Variants in RAD54B observed in about 807,000 individuals in gnomAD.
RAD54B encodes the protein DNA repair and recombination protein RAD54B.
Under a neutral mutation model 95.8 loss-of-function variants are expected in RAD54B, and 78 were observed. The ratio of observed to expected loss-of-function variants is 0.81; its 90% CI spans 0.68 to 0.98. The LOEUF (loss-of-function observed/expected upper bound fraction) is 0.98, where lower values mean the gene tolerates loss of function less well. RAD54B is among the 50% of genes least tolerant of loss of function. RAD54B has a pLI of 0.00. For synonymous variants in RAD54B, 328 were observed against 354.9 expected (o/e 0.92, Z 0.85); for missense variants, 957 against 1,056.6 (o/e 0.91, Z 1.31).
At chr8:94,398,745 A>T (rs1811201090) in intron 8 of RAD54B, among the ~76,000 whole-genome samples, 1 of 152,040 alleles carries the variant, frequency 6.6e-6, no homozygotes, top group African/African-American at 2.4e-5. Flanking sequence ...TATGGGAGAA[A>T]AGCTACATTG....
At chr8:94,470,121 A>T (rs1280273720) in intron 1 of RAD54B, among the ~76,000 whole-genome samples, 1 of 152,230 alleles carries the variant, frequency 6.6e-6, no homozygotes, top group East Asian at 1.9e-4. Flanking sequence ...TGGCAATTTA[A>T]CCTAAGGAAC....
intron 14 of RAD54B, among the ~76,000 whole-genome samples, chr8:94,374,533 C>T (rs970302803): frequency 6.6e-6 from 1 of 151,908 alleles, no homozygotes; most frequent in Non-Finnish European, 1.5e-5. Context: ...ATGCTATTGA[C>T]AAGAGATACC....
intron 3 of RAD54B, chr8:94,432,174 G>C (rs763490414): frequency 7.7e-6 from 12 of 1,549,742 alleles, no homozygotes; most frequent in South Asian, 4.8e-5. Context: ...TAAGCGAATT[G>C]CTTTCAGCTT....
intron 3 of RAD54B, chr8:94,436,482 A>G (rs3136405): frequency 0.025 from 38,268 of 1,526,510 alleles, 1,371 homozygotes; most frequent in Admixed American, 0.14. Context: ...TAACAAAACA[A>G]AATAAAGCTT....
chr8:94,394,353 T>C (rs2129992960), intron 8 of RAD54B, among the ~76,000 whole-genome samples: 1 of 152,374 alleles, frequency 6.6e-6, no homozygotes, highest in African/African-American at 2.4e-5. Flanking sequence ...GTAATTTTAC[T>C]GTTATTATAG....
chr8:94,434,018 G>T (rs1286909386), intron 3 of RAD54B, among the ~76,000 whole-genome samples: 2 of 151,488 alleles, frequency 1.3e-5, no homozygotes, highest in African/African-American at 4.8e-5. Context: ...CTATTTGTAG[G>T]TTATATAAAT....
At chr8:94,419,756 A>G (rs935766790) in intron 3 of RAD54B, among the ~76,000 whole-genome samples, 1 of 150,332 alleles carries the variant, frequency 6.7e-6, no homozygotes, top group African/African-American at 2.4e-5. Context: ...CCAAAAAAAA[A>G]AAAAAAAAAA....
intron 3 of RAD54B, among the ~76,000 whole-genome samples, chr8:94,425,937 A>C (rs879706): frequency 3.7e-4 from 57 of 152,036 alleles, no homozygotes; most frequent in Non-Finnish European, 7.5e-4. Context: ...CATTCCAGTC[A>C]CTGAACATGC....
At chr8:94,414,028 G>T (rs1173809128) in intron 3 of RAD54B, among the ~76,000 whole-genome samples, 3 of 151,872 alleles carry the variant, frequency 2.0e-5, no homozygotes, top group Non-Finnish European at 2.9e-5. Context: ...CAGAGACGGG[G>T]TTTCACCAGG....
intron 3 of RAD54B, among the ~76,000 whole-genome samples, chr8:94,412,349 T>C (rs1343046829): frequency 1.4e-5 from 2 of 146,694 alleles, no homozygotes; most frequent in African/African-American, 5.0e-5. Flanking sequence ...AATGCAGATA[T>C]CTCTTCAACA....
At chr8:94,451,937 T>C (rs1335129101) in intron 3 of RAD54B, among the ~76,000 whole-genome samples, 1 of 152,232 alleles carries the variant, frequency 6.6e-6, no homozygotes, top group African/African-American at 2.4e-5. Context: ...TTCAGGCCGC[T>C]ATAACAAAAT....
At chr8:94,418,432 A>T (rs1023391940) in intron 3 of RAD54B, among the ~76,000 whole-genome samples, 2 of 152,210 alleles carry the variant, frequency 1.3e-5, no homozygotes, top group Non-Finnish European at 2.9e-5. Flanking sequence ...AGCACAAAAC[A>T]TCACCTTTAT....
At chr8:94,403,455 T>C (rs1327458218) in intron 6 of RAD54B, among the ~76,000 whole-genome samples, 2 of 152,078 alleles carry the variant, frequency 1.3e-5, no homozygotes, top group African/African-American at 4.8e-5. Flanking sequence ...GGTGGGTGGA[T>C]CTCTTGAGGT....
rs1035068927 is a variant in RAD54B at position 94,416,914 on chromosome 8, CA to C, written c.305-5600del. ...CCAAAAGAATAATAACATATGTCCA[CA>C]AAAAAACTTGCATATGAATGTTTAT... On this transcript the variant is annotated intron_variant, in intron 3 of 14. Coordinates refer to ENST00000336148, the MANE Select transcript of RAD54B (RefSeq NM_012415.3). Among the ~76,000 whole-genome samples, 4 of 151,956 alleles carry C rather than the reference CA, an allele frequency of 2.6e-5. No individual in the cohort carries two copies. In the East Asian group the frequency reaches 7.7e-4, roughly 29 times the overall value.
intron 1 of RAD54B, among the ~76,000 whole-genome samples, chr8:94,474,422 TAGGTTA>T (rs1813244545): frequency 6.6e-6 from 1 of 152,212 alleles, no homozygotes; most frequent in Admixed American, 6.5e-5. Context: ...TAATACTCAG[TAGGTTA>T]GCTGTGTTTT....
At chr8:94,432,285 T>C in intron 3 of RAD54B, 1 of 1,550,358 alleles carries the variant, frequency 6.5e-7, no homozygotes. Context: ...ATTTTTTTGA[T>C]TTTCTAAAAT....
At chr8:94,392,687 T>C (rs1409575729) in intron 9 of RAD54B, among the ~76,000 whole-genome samples, 2 of 148,114 alleles carry the variant, frequency 1.4e-5, no homozygotes, top group East Asian at 4.0e-4. Flanking sequence ...AACCTCCACC[T>C]CCCAGGCTCA....
rs1352536735 is a variant in RAD54B, at chr8:94,407,479, A to G, written c.741T>C (p.Asp247=). 2 of 1,613,840 alleles carry G rather than the reference A, an allele frequency of 1.2e-6. No individual in the cohort carries two copies. Among genetic ancestry groups the G allele is most frequent in the Non-Finnish European group, 1.7e-6 (2 of 1,179,772 alleles). Residue 247 remains aspartate, a synonymous_variant, in exon 5 of 15, where the codon GAT becomes GAC. Coordinates refer to ENST00000336148, the MANE Select transcript of RAD54B (RefSeq NM_012415.3). Reference sequence around the variant, plus strand: ...CATGGCGTGGTTTGCAATTTTGGAAATCATTCTGTCTATTTTCCTTTGAAC... The same window carrying G: ...CATGGCGTGGTTTGCAATTTTGGAAGTCATTCTGTCTATTTTCCTTTGAAC... ...KPSSKENRQN[D]FQNCKPRHDP... is the part of the protein sequence containing the mutation.
chr8:94,444,353 T>C (rs761821842), intron 3 of RAD54B, among the ~76,000 whole-genome samples: 1 of 150,620 alleles, frequency 6.6e-6, no homozygotes, highest in Non-Finnish European at 1.5e-5. Flanking sequence ...GAGAAATACA[T>C]GCATATGTTC....
Sources: allele counts gnomAD v4.1 joint callset (sites outside exome capture counted in the v4.1 genomes callset), GRCh38; gene constraint gnomAD v4.1.1; transcripts MANE v1.5; gene names NCBI Gene and HGNC (gene_info 2026-07-23, HGNC 2026-07-21).